Variants in MRPL22 observed in about 807,000 individuals in gnomAD.
MRPL22 encodes large ribosomal subunit protein uL22m.
In MRPL22, 27 loss-of-function variants were observed where a neutral mutation model predicts 32.4. The ratio of observed to expected loss-of-function variants is 0.83; its 90% CI spans 0.61 to 1.15. The LOEUF is 1.15. Among genes scored for constraint, MRPL22 ranks in the 50% most tolerant of loss-of-function variants. MRPL22 has a pLI of 0.00. For missense variants in MRPL22, 239 were observed against 260.2 expected, an observed-to-expected ratio of 0.92 and a Z score of 0.56; for synonymous variants, 86 against 87.3, an observed-to-expected ratio of 0.99 and a Z score of 0.08.
chr5:154,956,471 A>G (rs1211957649), intron 4 of MRPL22, 35 bp downstream of exon 4: 1 of 1,460,262 alleles, frequency 6.8e-7, no homozygotes, highest in Non-Finnish European at 9.5e-7. Flanking sequence ...ATAATTAATA[A>G]TTTAGGAAAG....
Position 154,967,044 on chromosome 5 carries a change from C to A in MRPL22, c.*147C>A. On this transcript the variant is annotated 3_prime_UTR_variant, in exon 7 of 7. Transcript: ENST00000523037. This position sits in a 1 kb window ranked among gnomAD's most constrained non-coding sequence, Gnocchi z 4.7. ...TAGTTGTAAATGAATATTTATAAGG[C>A]TTTGCCCATTTCTTTTGAGCCTCTG... The A allele has an allele frequency of 1.1e-6, 1 of 932,638 alleles. No homozygotes were observed. The highest frequency in any genetic ancestry group is 1.6e-6 in the Non-Finnish European group (1 of 643,070). 57.8% of individuals were successfully genotyped at this position (932,638 alleles called of 1,614,324 possible).
intron 3 of MRPL22, among the ~76,000 whole-genome samples, chr5:154,951,679 G>C (rs985599307): frequency 1.8e-4 from 27 of 152,116 alleles, no homozygotes; most frequent in African/African-American, 5.3e-4. Context: ...TGGGATTACA[G>C]GTGCCCGCCA....
intron 3 of MRPL22, among the ~76,000 whole-genome samples, chr5:154,952,257 A>G (rs2544884): frequency 0.17 from 26,099 of 152,064 alleles, 3,016 homozygotes; most frequent in African/African-American, 0.33. Flanking sequence ...CAATTTTGTT[A>G]TGTGTTTGTT....
intron 3 of MRPL22, among the ~76,000 whole-genome samples, chr5:154,951,921 C>T (rs1439504567): frequency 2.1e-5 from 3 of 140,360 alleles, no homozygotes; most frequent in Non-Finnish European, 3.0e-5. Context: ...CTCCCTCTGT[C>T]GCCCAGGCTG....
intron 3 of MRPL22, 39 bp from the exon 4 acceptor site, chr5:154,956,332 T>C (rs764558349): frequency 6.3e-6 from 9 of 1,429,226 alleles, no homozygotes; most frequent in Non-Finnish European, 8.9e-6. Flanking sequence ...GTAAACCTGC[T>C]AACATTTTCT....
In MRPL22 at chr5:154,947,050, TTAAG is replaced by T. The variant is rs376234380; in HGVS notation, c.78-3764_78-3761del. ...CTAAATTATTAATCCATCAACAGTA[TTAAG>T]TAAGTATTATTTTCCTCATTCTACA... On this transcript the variant is annotated intron_variant, in intron 2 of 6. Coordinates refer to ENST00000523037, the MANE Select transcript of MRPL22 (RefSeq NM_014180.4). Among the ~76,000 whole-genome samples the T allele has an allele frequency of 3.7e-3, 571 of 152,294 alleles. 2 individuals are homozygous for T. The highest frequency in any genetic ancestry group is 9.9e-3 in the African/African-American group (411 of 41,554).
chr5:154,948,595 C>G (rs1304510779), intron 2 of MRPL22, among the ~76,000 whole-genome samples: 1 of 152,194 alleles, frequency 6.6e-6, no homozygotes, highest in East Asian at 1.9e-4. Context: ...GCAGGAAAGA[C>G]TACTTTGTGG....
chr5:154,963,932 G>A (rs1561743163), intron 6 of MRPL22, among the ~76,000 whole-genome samples: 2 of 152,154 alleles, frequency 1.3e-5, no homozygotes, highest in Non-Finnish European at 2.9e-5. Flanking sequence ...CATACATGCA[G>A]AGGCACATAG....
chr5:154,967,008 T>A lies in MRPL22; in HGVS notation c.*111T>A. ...ATTTCTCATTGAATTATTGAAACAG[T>A]GTATAACTGCTAGTTGTAAATGAAT... On this transcript the variant is annotated 3_prime_UTR_variant, in exon 7 of 7. Coordinates refer to ENST00000523037, the MANE Select transcript of MRPL22 (RefSeq NM_014180.4). The surrounding 1 kb of genome is among the most constrained non-coding windows in gnomAD (Gnocchi z 4.7). The A allele has an allele frequency of 9.1e-7, 1 of 1,102,868 alleles. No individual in the cohort carries two copies. The highest frequency in any genetic ancestry group is 1.3e-6 in the Non-Finnish European group (1 of 788,966). 68.3% of individuals were successfully genotyped at this position (1,102,868 alleles called of 1,614,324 possible).
At chr5:154,958,186 T>C (rs1764656070) in intron 5 of MRPL22, among the ~76,000 whole-genome samples, 1 of 152,214 alleles carries the variant, frequency 6.6e-6, no homozygotes, top group Non-Finnish European at 1.5e-5. Flanking sequence ...CCCAAAGTGC[T>C]GGGATTACAG....
chr5:154,950,857 T>C lies in MRPL22; in HGVS notation c.114T>C (p.Ser38=). ...LPQSYIHTSA[S]LDISRKWEKK... ...AATCATATATCCACACAAGTGCTTCTCTTGACATTTCTCGAAAATGGGAGA... is the reference window on the plus strand; with the variant it reads ...AATCATATATCCACACAAGTGCTTCCCTTGACATTTCTCGAAAATGGGAGA... The change falls in exon 3 of 7, where the codon TCT becomes TCC. Residue 38 remains serine, a synonymous_variant. Transcript: ENST00000523037. The C allele has an allele frequency of 6.2e-7, 1 of 1,613,548 alleles. No individual in the cohort carries two copies. Among genetic ancestry groups the C allele is most frequent in the Non-Finnish European group, 8.5e-7 (1 of 1,179,478 alleles).
intron 2 of MRPL22, among the ~76,000 whole-genome samples, chr5:154,941,993 C>T (rs1764424022): frequency 1.3e-5 from 2 of 152,134 alleles, no homozygotes; most frequent in Admixed American, 1.3e-4. Context: ...GTATATGAAT[C>T]CATTTTTTAA....
At chr5:154,946,177 G>T (rs917412711) in intron 2 of MRPL22, among the ~76,000 whole-genome samples, 4 of 152,166 alleles carry the variant, frequency 2.6e-5, no homozygotes, top group African/African-American at 7.2e-5. Flanking sequence ...CCTGACTCAA[G>T]AAATCTTTCA....
In MRPL22 at chr5:154,941,116, G is replaced by A. The variant is rs1764407137; in HGVS notation, c.6G>A (p.Ala2=). The change falls in exon 1 of 7, where the codon GCG becomes GCA. Residue 2 remains alanine, a synonymous_variant. Transcript: ENST00000523037. ...CCGTAGCGGGAGGGCGAAAGATGGCGGCGGCAGTACTGGGACAGTTGGGTA... is the reference window on the plus strand; with the variant it reads ...CCGTAGCGGGAGGGCGAAAGATGGCAGCGGCAGTACTGGGACAGTTGGGTA... M[A]AAVLGQLGAL... 1.9e-6 allele frequency: 3 copies of A among 1,613,942 alleles called. No individual in the cohort carries two copies. The highest frequency in any genetic ancestry group is 1.3e-5 in the African/African-American group (1 of 75,016).
chr5:154,961,584 G>A (rs1764701570), intron 6 of MRPL22, among the ~76,000 whole-genome samples: 1 of 152,204 alleles, frequency 6.6e-6, no homozygotes, highest in Admixed American at 6.5e-5. Context: ...AGAGAGATAG[G>A]ATAAAGAGCT....
At chr5:154,947,008 A>G (rs1764500759) in intron 2 of MRPL22, among the ~76,000 whole-genome samples, 1 of 108,470 alleles carries the variant, frequency 9.2e-6, no homozygotes, top group Non-Finnish European at 1.8e-5. Flanking sequence ...ATCATGGGCT[A>G]GACATTGTAG....
At chr5:154,954,543 A>G (rs1266267395) in intron 3 of MRPL22, among the ~76,000 whole-genome samples, 2 of 152,044 alleles carry the variant, frequency 1.3e-5, no homozygotes, top group Non-Finnish European at 2.9e-5. Context: ...ACGTACTGAG[A>G]CTTTGTCTCG....
In MRPL22 at chr5:154,950,330, C is replaced by T. The variant is rs914626132; in HGVS notation, c.78-491C>T. Among the ~76,000 whole-genome samples the T allele has an allele frequency of 6.6e-5, 10 of 152,308 alleles. No individual in the cohort carries two copies. In the South Asian group the frequency reaches 1.9e-3, roughly 28 times the overall value. On this transcript the variant is annotated intron_variant, in intron 2 of 6. Transcript: ENST00000523037. Reference sequence around the variant, plus strand: ...GATTTGGGTGGGACACAGAGCCGAGCCATATCAATTAGGAAGTTCAAGATT... The same window carrying T: ...GATTTGGGTGGGACACAGAGCCGAGTCATATCAATTAGGAAGTTCAAGATT...
chr5:154,947,820 G>T (rs1022824330), intron 2 of MRPL22, among the ~76,000 whole-genome samples: 2 of 152,166 alleles, frequency 1.3e-5, no homozygotes, highest in African/African-American at 4.8e-5. Context: ...TTAAGACAAC[G>T]CGAGAATCAT....
Sources: gnomAD v4.1 joint callset for allele counts (sites outside exome capture counted in the v4.1 genomes callset) on GRCh38, gnomAD v4.1.1 for gene constraint, Gnocchi (gnomAD v3.1) non-coding constraint, MANE v1.5 for transcripts, NCBI Gene and HGNC (gene_info 2026-07-23, HGNC 2026-07-21) for gene names.